TRRAP: variants seen among roughly 807,000 people sequenced by gnomAD.
TRRAP encodes the protein transformation/transcription domain associated protein.
TRRAP carries 41 observed loss-of-function variants against 438.8 expected under a neutral mutation model. The observed-to-expected ratio is 0.09, with a 90% CI of 0.07 to 0.12. The LOEUF (loss-of-function observed/expected upper bound fraction) is 0.12, where lower values mean the gene tolerates loss of function less well. TRRAP is among the 10% of genes least tolerant of loss of function. TRRAP has a pLI of 1.00. For missense variants in TRRAP, 3,122 were observed against 5,055.1 expected (o/e 0.62, Z 11.60); for synonymous variants, 1,994 against 1,962.9 (o/e 1.02, Z -0.42).
chr7:98,935,663 A>G lies in TRRAP; in HGVS notation c.4099A>G (p.Ile1367Val). 6.3e-7 allele frequency: 1 copy of G among 1,591,908 alleles called. No individual in the cohort carries two copies. Among genetic ancestry groups the G allele is most frequent in the Non-Finnish European group, 8.6e-7 (1 of 1,162,556 alleles). Reference protein sequence around the residue: ...KSLPSLVPLRIAALNALAACN... With the variant: ...KSLPSLVPLRVAALNALAACN... Reference sequence around the variant, plus strand: ...CCTTCCGTCACTCGTACCTTTACGAATTGCGGCATTAAGTAAGTTAATGAA... The same window carrying G: ...CCTTCCGTCACTCGTACCTTTACGAGTTGCGGCATTAAGTAAGTTAATGAA... Residue 1367 changes from isoleucine (I) to valine (V), a missense_variant, in exon 28 of 73, where the codon ATT (isoleucine) becomes GTT (valine). Ile to Val is a conservative substitution (Grantham distance 29). Transcript: ENST00000456197.
chr7:98,919,838 C>T (rs1424698599), intron 20 of TRRAP, among the ~76,000 whole-genome samples: 4 of 152,146 alleles, frequency 2.6e-5, no homozygotes, highest in Non-Finnish European at 5.9e-5. Context: ...CTCAAGGCCA[C>T]AGGAACCACC....
intron 33 of TRRAP, among the ~76,000 whole-genome samples, chr7:98,946,456 G>T (rs545130265): frequency 7.6e-6 from 1 of 131,614 alleles, no homozygotes; most frequent in African/African-American, 3.0e-5. Context: ...CTCACAACAC[G>T]CGTGCACACA....
In TRRAP at chr7:98,930,188, C is replaced by T. The variant is rs782452250; in HGVS notation, c.3375C>T (p.Ile1125=). 6.2e-7 allele frequency: 1 copy of T among 1,614,134 alleles called. No individual in the cohort carries two copies. The highest frequency in any genetic ancestry group is 8.5e-7 in the Non-Finnish European group (1 of 1,180,022). ...TGATATTTGATGTTGCAAGTATCAT[C>T]CTGGGCTCCAAGGAGAGGGTAAGGA... ...LAVIFDVASI[I]LGSKERACQL... Residue 1125 remains isoleucine, a synonymous_variant, in exon 24 of 73, where the codon ATC becomes ATT. Coordinates refer to ENST00000456197, the MANE Select transcript of TRRAP (RefSeq NM_001375524.1).
At position 98,964,815 on chromosome 7, in the gene TRRAP, T is replaced by C. The variant is rs376928763; in HGVS notation, c.6976+40T>C. 5 of 1,589,506 alleles carry C rather than the reference T, an allele frequency of 3.1e-6. No homozygotes were observed. The African/African-American group carries it at 5.4e-5, about 17-fold the overall frequency. On this transcript the variant is annotated intron_variant, in intron 48 of 72. Coordinates refer to ENST00000456197, the MANE Select transcript of TRRAP (RefSeq NM_001375524.1). ...ACCGGGGGCCTTTCCTCAGACTCTGTTGAACAGAGAACAGACTCTGTTGTG... is the reference window on the plus strand; with the variant it reads ...ACCGGGGGCCTTTCCTCAGACTCTGCTGAACAGAGAACAGACTCTGTTGTG...
At position 98,897,744 on chromosome 7, in the gene TRRAP, C is replaced by T. The variant is rs200157211; in HGVS notation, c.511C>T (p.Arg171Cys). The T allele has an allele frequency of 1.4e-5, 23 of 1,612,524 alleles. No individual in the cohort carries two copies. The highest frequency in any genetic ancestry group is 1.7e-4 in the Middle Eastern group (1 of 6,050). The change falls in exon 8 of 73, where the codon CGC becomes TGC. Residue 171 changes from arginine (R) to cysteine (C), a missense_variant. This residue lies in a region of TRRAP where 343 missense variants were observed against 564.0 expected (regional missense o/e 0.61). Transcript: ENST00000456197. ...IYKELPKVVN[R>C]YFENPQVIPE... ...TATTTTTATGACTTTTATGTAGAAC[C>T]GCTACTTTGAGAACCCTCAAGTGAT...
chr7:98,961,591 T>G, intron 46 of TRRAP, 117 bp downstream of exon 46: 6 of 1,254,726 alleles, frequency 4.8e-6, no homozygotes, highest in Non-Finnish European at 6.6e-6. Flanking sequence ...CACTTTCCTT[T>G]CTACTTGCAA....
In TRRAP at chr7:98,976,837, C is replaced by G; in HGVS notation, c.8247+67C>G. 1 of 1,599,710 alleles carries G rather than the reference C, an allele frequency of 6.3e-7. No individual in the cohort carries two copies. On this transcript the variant is annotated intron_variant, in intron 55 of 72. Transcript: ENST00000456197. The surrounding 1 kb of genome is among the most constrained non-coding windows in gnomAD (Gnocchi z 4.6). ...AGTGACTTCACACTTTAAATAAATA[C>G]TCCTCCCAAATGATTTCAAATGACA...
rs1240314057 is a variant in TRRAP, at chr7:99,012,435, C to CGAGG, written c.*81_*82insAGGG. 1.4e-6 allele frequency: 2 copies of CGAGG among 1,445,458 alleles called. No individual in the cohort carries two copies. Among genetic ancestry groups the CGAGG allele is most frequent in the African/African-American group, 2.9e-5 (2 of 70,118 alleles). The allele number at this position is 1,445,458 out of a possible 1,614,324, so 89.5% of individuals were successfully genotyped here. A position where few individuals can be genotyped will look rare whatever the true frequency, so the allele number is the denominator to read the frequency against. On this transcript the variant is annotated 3_prime_UTR_variant, in exon 73 of 73. Transcript: ENST00000456197. This position sits in a 1 kb window ranked among gnomAD's most constrained non-coding sequence, Gnocchi z 5.9. Reference sequence around the variant, plus strand: ...CAGCTTTTACGACTTCTCCCTGCCTCGTTCCTTATATTCACAGAAGCCCCA... The same window carrying CGAGG: ...CAGCTTTTACGACTTCTCCCTGCCTCGAGGGTTCCTTATATTCACAGAAGCCCCA...
chr7:98,996,494 G>T (rs1473689539), intron 67 of TRRAP, among the ~76,000 whole-genome samples: 1 of 152,224 alleles, frequency 6.6e-6, no homozygotes, highest in Non-Finnish European at 1.5e-5. Context: ...ATGAGTGATT[G>T]CTGTGTGAAA....
At chr7:98,999,869 C>A in intron 67 of TRRAP, 1 of 424,206 alleles carries the variant, frequency 2.4e-6, no homozygotes, top group Admixed American at 3.7e-5. Context: ...TCATCTCCAT[C>A]TTAAATACTC....
chr7:98,921,615 A>T (rs1182930103), intron 20 of TRRAP, 138 bp from the exon 21 acceptor site: 3 of 1,093,526 alleles, frequency 2.7e-6, no homozygotes, highest in African/African-American at 3.1e-5. Context: ...ACGTCAGGTG[A>T]TCTACCCGCC....
At chr7:98,945,241 C>T (rs886800590) in intron 31 of TRRAP, among the ~76,000 whole-genome samples, 5 of 152,110 alleles carry the variant, frequency 3.3e-5, no homozygotes, top group Non-Finnish European at 7.4e-5. Context: ...TACATGCGTG[C>T]ACACACACAC....
intron 35 of TRRAP, among the ~76,000 whole-genome samples, chr7:98,949,182 T>C (rs893661452): frequency 6.6e-6 from 1 of 151,982 alleles, no homozygotes; most frequent in Non-Finnish European, 1.5e-5. Context: ...CAGTGAGCTA[T>C]GATTTTACCA....
intron 21 of TRRAP, 95 bp downstream of exon 21, chr7:98,922,048 A>G (rs1370627506): frequency 3.3e-6 from 5 of 1,505,138 alleles, no homozygotes; most frequent in African/African-American, 2.8e-5. Flanking sequence ...GTCTTAGGCA[A>G]TCTCTGAGTA....
intron 33 of TRRAP, among the ~76,000 whole-genome samples, chr7:98,947,967 CG>C (rs1791161960): frequency 6.6e-6 from 1 of 152,166 alleles, no homozygotes; most frequent in Non-Finnish European, 1.5e-5. Flanking sequence ...ACGATCACAT[CG>C]GGTGTACACC....
Position 98,886,357 on chromosome 7 carries a change from TAGATAGAGATAGATATAGATATCTAGAG to T in TRRAP, c.151-3944_151-3917del, listed in dbSNP as rs1562924964. ...ATATAGATAGATATAGATATCTATA[TAGATAGAGATAGATATAGATATCTAGAG>T]AGATAGAGATAGATATAGATATCTA... On this transcript the variant is annotated intron_variant, in intron 3 of 72. Coordinates refer to ENST00000456197, the MANE Select transcript of TRRAP (RefSeq NM_001375524.1). 2.0e-5 allele frequency among the ~76,000 whole-genome samples: 3 copies of T among 148,616 alleles called. No individual in the cohort carries two copies. The East Asian group carries it at 5.8e-4, about 29-fold the overall frequency.
chr7:98,916,240 AAG>A (rs1554409553), intron 19 of TRRAP, among the ~76,000 whole-genome samples: 1 of 152,226 alleles, frequency 6.6e-6, no homozygotes, highest in Admixed American at 6.5e-5. Flanking sequence ...CCTAGACTGA[AAG>A]AGAATCAGAA....
In TRRAP at chr7:98,927,375, G is replaced by A. The variant is rs372615803; in HGVS notation, c.3175+9G>A. On this transcript the variant is annotated intron_variant, in intron 23 of 72. Coordinates refer to ENST00000456197, the MANE Select transcript of TRRAP (RefSeq NM_001375524.1). ...AGTCGCCCAGCAGTGTGGTGAGCAC[G>A]GGGGCACGGTGGGGCACGGGATTGG... 6.2e-6 allele frequency: 10 copies of A among 1,613,674 alleles called. No individual in the cohort carries two copies. Among genetic ancestry groups the A allele is most frequent in the South Asian group, 4.4e-5 (4 of 91,062 alleles).
intron 70 of TRRAP, among the ~76,000 whole-genome samples, chr7:99,009,437 G>A (rs557197919): frequency 3.3e-5 from 5 of 152,282 alleles, no homozygotes; most frequent in South Asian, 4.1e-4. Flanking sequence ...GGCAGGGCCC[G>A]AGGTATTCCA....
Sources: gnomAD v4.1 joint callset for allele counts (sites outside exome capture counted in the v4.1 genomes callset) on GRCh38, gnomAD v4.1.1 for gene constraint, gnomAD v4.1.1 regional missense constraint, Gnocchi (gnomAD v3.1) non-coding constraint, MANE v1.5 for transcripts, NCBI Gene and HGNC (gene_info 2026-07-23, HGNC 2026-07-21) for gene names.